Variants in GLB1L3 observed in about 807,000 individuals in gnomAD.
GLB1L3 encodes the protein beta-galactosidase-1-like protein 3.
GLB1L3 carries 89 observed loss-of-function variants against 89.5 expected under a neutral mutation model. The observed-to-expected ratio is 0.99, with a 90% confidence interval of 0.84 to 1.19. GLB1L3 has a LOEUF of 1.19. Ranked by LOEUF, GLB1L3 falls within the 50% of genes most tolerant of loss-of-function variation. GLB1L3 has a pLI of 0.00. For synonymous variants in GLB1L3, 314 were observed against 312.3 expected, an observed-to-expected ratio of 1.01 and a Z score of -0.06; for missense variants, 812 against 813.3, an observed-to-expected ratio of 1.00 and a Z score of 0.02.
intron 9 of GLB1L3, among the ~76,000 whole-genome samples, chr11:134,295,964 G>A (rs1320406172): frequency 1.3e-5 from 2 of 152,004 alleles, no homozygotes; most frequent in Non-Finnish European, 2.9e-5. Context: ...TACTGTTAAG[G>A]CCCAAGAACA....
intron 3 of GLB1L3, among the ~76,000 whole-genome samples, chr11:134,279,364 C>CTTTTT (rs10577769): frequency 1.9e-3 from 201 of 108,004 alleles, no homozygotes; most frequent in Non-Finnish European, 2.7e-3. Context: ...TTTTCTTTTT[C>CTTTTT]TTTTTTTTTT....
At chr11:134,294,308 TC>T (rs1030796473) in intron 9 of GLB1L3, among the ~76,000 whole-genome samples, 3 of 152,156 alleles carry the variant, frequency 2.0e-5, no homozygotes, top group African/African-American at 7.2e-5. Flanking sequence ...CCCCAGGTGA[TC>T]CACCCACCTT....
chr11:134,319,718 C>G (rs200108363), downstream of GLB1L3, among the ~76,000 whole-genome samples: 792 of 124,672 alleles, frequency 6.4e-3, 4 homozygotes, highest in African/African-American at 0.023. Context: ...CTCTCTCTCT[C>G]TGTGTATGTG....
Position 134,281,477 on chromosome 11 carries a change from C to T in GLB1L3, c.431+32C>T. On this transcript the variant is annotated intron_variant, in intron 4 of 19. Coordinates refer to ENST00000431683, the MANE Select transcript of GLB1L3 (RefSeq NM_001080407.3). ...GGTGTTGCTGCTTCTGTGCCCTGGT[C>T]AGGGGCAGGGCACAGAGGTGGCTAC... is the stretch of plus-strand genomic sequence containing the variant. 3.9e-6 allele frequency: 6 copies of T among 1,548,826 alleles called. 1 individual carries two copies. The highest frequency in any genetic ancestry group is 5.3e-6 in the Non-Finnish European group (6 of 1,126,778).
At chr11:134,277,064 C>T in intron 1 of GLB1L3, 1 of 581,126 alleles carries the variant, frequency 1.7e-6, no homozygotes, top group South Asian at 2.2e-5. Context: ...CTCCGCCTCT[C>T]CCAGGCACCC....
rs751863278 is a variant in GLB1L3 at position 134,277,744 on chromosome 11, C to A, written c.194C>A (p.Ser65Tyr). ...ACCCCTCTGGAGCTGAAGAATCGAT[C>A]TGTGGGACTTGGAACTGAAAGCACA... ...HLTPLELKNR[S>Y]VGLGTESTGR... Residue 65 changes from serine to tyrosine, a missense_variant, in exon 3 of 20, where the codon TCT becomes TAT. Around this residue, in one of 3 missense-constraint regions of GLB1L3, gnomAD observed 191 missense variants for 191.4 expected, o/e 1.00. Transcript: ENST00000431683. The A allele has an allele frequency of 4.8e-5, 78 of 1,613,298 alleles. No individual in the cohort carries two copies. Among genetic ancestry groups the A allele is most frequent in the Non-Finnish European group, 6.4e-5 (76 of 1,179,718 alleles).
At chr11:134,277,206 G>C in intron 1 of GLB1L3, 120 bp from the exon 2 acceptor site, 1 of 1,297,200 alleles carries the variant, frequency 7.7e-7, no homozygotes, top group Non-Finnish European at 1.1e-6. Flanking sequence ...AGACCCGCCT[G>C]TGTCGCGGGC....
chr11:134,302,140 A>AATTAC (rs1187708597), intron 9 of GLB1L3, among the ~76,000 whole-genome samples: 5 of 152,290 alleles, frequency 3.3e-5, no homozygotes, highest in African/African-American at 1.2e-4. Flanking sequence ...GTTTCCAGCC[A>AATTAC]AATACAATGT....
downstream of GLB1L3, among the ~76,000 whole-genome samples, chr11:134,320,738 CAAAA>C (rs58638015): frequency 7.2e-6 from 1 of 139,302 alleles, no homozygotes; most frequent in Non-Finnish European, 1.6e-5. Flanking sequence ...ACAAGAAAAA[CAAAA>C]AAAAAAAACA....
intron 19 of GLB1L3, 28 bp downstream of exon 19, chr11:134,318,775 A>C (rs746283947): frequency 6.4e-7 from 1 of 1,560,418 alleles, no homozygotes; most frequent in Non-Finnish European, 8.8e-7. Context: ...CTGCCTTGAG[A>C]TCTCATAAAC....
In GLB1L3 at chr11:134,295,766, G is replaced by A. The variant is rs1941599500; in HGVS notation, c.876+2557G>A. ...ATTTATGCTGTAAATTTCTCTGTATGTACTAGTTTTGCTGCATCTCGCCAA... is the reference window on the plus strand; with the variant it reads ...ATTTATGCTGTAAATTTCTCTGTATATACTAGTTTTGCTGCATCTCGCCAA... On this transcript the variant is annotated intron_variant, in intron 9 of 19. Coordinates refer to ENST00000431683, the MANE Select transcript of GLB1L3 (RefSeq NM_001080407.3). Among the ~76,000 whole-genome samples the A allele has an allele frequency of 1.3e-5, 2 of 152,076 alleles. 1 individual carries two copies. The highest frequency in any genetic ancestry group is 2.9e-5 in the Non-Finnish European group (2 of 68,006).
Position 134,311,051 on chromosome 11 carries a change from A to T in GLB1L3, c.1181-13A>T, listed in dbSNP as rs1487584318. On this transcript the variant is annotated splice_polypyrimidine_tract_variant and intron_variant, in intron 12 of 19. Coordinates refer to ENST00000431683, the MANE Select transcript of GLB1L3 (RefSeq NM_001080407.3). ...TCAGGCACTTTTTGCCCTGTGCCCC[A>T]TCTCCATTGCAGCAACTCCCCTGCC... The T allele has an allele frequency of 1.2e-6, 2 of 1,608,036 alleles. No homozygotes were observed. The highest frequency in any genetic ancestry group is 1.7e-5 in the Admixed American group (1 of 59,954).
chr11:134,285,907 T>A (rs1940957840), intron 6 of GLB1L3, among the ~76,000 whole-genome samples: 1 of 144,668 alleles, frequency 6.9e-6, no homozygotes, highest in Admixed American at 6.9e-5. Context: ...TTGTGAGTTC[T>A]GTTTTTTTTT....
Position 134,318,953 on chromosome 11 carries a change from G to C in GLB1L3, c.*11G>C, listed in dbSNP as rs774352707. The C allele has an allele frequency of 1.3e-6, 2 of 1,506,472 alleles. No individual in the cohort carries two copies. The highest frequency in any genetic ancestry group is 2.3e-5 in the East Asian group (1 of 42,624). 93.3% of individuals were successfully genotyped at this position (1,506,472 alleles called of 1,614,324 possible). On this transcript the variant is annotated 3_prime_UTR_variant, in exon 20 of 20. Transcript: ENST00000431683. ...AAGCCCACGCTGTAAAACTGTGTCT[G>C]AACATTTTTTTTTTTTTTTGAGATG...
chr11:134,308,538 CCACCAT>C (rs1222695777), intron 10 of GLB1L3, among the ~76,000 whole-genome samples: 878 of 69,116 alleles, frequency 0.013, 36 homozygotes, highest in African/African-American at 0.02. Flanking sequence ...ACCACTACCA[CCACCAT>C]CACCATCACC....
chr11:134,307,710 G>A (rs1329383930), intron 10 of GLB1L3, among the ~76,000 whole-genome samples: 2 of 152,302 alleles, frequency 1.3e-5, no homozygotes, highest in African/African-American at 4.8e-5. Flanking sequence ...GAGCCAAAGA[G>A]ATCAGGTTTT....
rs1693330368 is a variant in GLB1L3 at position 134,319,311 on chromosome 11, A to G, written c.*369A>G. 5.1e-6 allele frequency: 1 copy of G among 195,722 alleles called. No homozygotes were observed. The highest frequency in any genetic ancestry group is 1.3e-4 in the East Asian group (1 of 7,642). 12.1% of individuals were successfully genotyped at this position (195,722 alleles called of 1,614,324 possible). Reference sequence around the variant, plus strand: ...CTATAAGTCATTTTTGAGGAATAAGATTTATGTTAAGACTATCAAACACAG... The same window carrying G: ...CTATAAGTCATTTTTGAGGAATAAGGTTTATGTTAAGACTATCAAACACAG... On this transcript the variant is annotated 3_prime_UTR_variant, in exon 20 of 20. Transcript: ENST00000431683.
intron 1 of GLB1L3, 143 bp from the exon 2 acceptor site, chr11:134,277,183 G>GGGCCCGCCTGGAA (rs749564607): frequency 7.9e-6 from 8 of 1,017,212 alleles, no homozygotes; most frequent in Non-Finnish European, 1.2e-5. Flanking sequence ...TCCTGGCCCT[G>GGGCCCGCCTGGAA]GGCCCGCCTG....
rs146413489 is a variant in GLB1L3 at position 134,319,007 on chromosome 11, T to C, written c.*65T>C. 3.2e-3 allele frequency: 3,653 copies of C among 1,142,814 alleles called. 85 individuals are homozygous for C. In the African/African-American group the frequency reaches 0.045, roughly 14 times the overall value. The allele number at this position is 1,142,814 out of a possible 1,614,324, so 70.8% of individuals were successfully genotyped here. ...TCTCACTTTGTCGCCCAGGCTGGAG[T>C]GCAGTGGCACAATCTCTGCTCACTG... On this transcript the variant is annotated 3_prime_UTR_variant, in exon 20 of 20. Coordinates refer to ENST00000431683, the MANE Select transcript of GLB1L3 (RefSeq NM_001080407.3).
Sources: allele counts gnomAD v4.1 joint callset (sites outside exome capture counted in the v4.1 genomes callset), GRCh38; gene constraint gnomAD v4.1.1; regional missense constraint gnomAD v4.1.1; transcripts MANE v1.5; gene names NCBI Gene and HGNC (gene_info 2026-07-23, HGNC 2026-07-21).